MAMDC2: variants seen among roughly 807,000 people sequenced by gnomAD.
MAMDC2 encodes MAM domain-containing protein 2.
Under a neutral mutation model 89.8 loss-of-function variants are expected in MAMDC2, and 57 were observed. The ratio of observed to expected loss-of-function variants is 0.63; its 90% CI spans 0.51 to 0.79. The LOEUF (loss-of-function observed/expected upper bound fraction) is 0.79. Among genes scored for constraint, MAMDC2 ranks in the 30% least tolerant of loss-of-function variants. The pLI is 0.00. For synonymous variants in MAMDC2, 313 were observed against 293.4 expected (o/e 1.07, Z -0.68); for missense variants, 800 against 820.6 (o/e 0.97, Z 0.31).
rs112311941 is a variant in MAMDC2 at position 70,054,304 on chromosome 9, C to T, written c.148+9607C>T. On this transcript the variant is annotated intron_variant, in intron 2 of 13. Coordinates refer to ENST00000377182, the MANE Select transcript of MAMDC2 (RefSeq NM_153267.5). Reference sequence around the variant, plus strand: ...GGAGGCTAAGAAAAGATGCCTTGAGCTCACATTTAAGGATTAGGTATAGGA... The same window carrying T: ...GGAGGCTAAGAAAAGATGCCTTGAGTTCACATTTAAGGATTAGGTATAGGA... Among the ~76,000 whole-genome samples, 401 of 152,128 alleles carry T rather than the reference C, an allele frequency of 2.6e-3. 3 individuals are homozygous for T. Among genetic ancestry groups the T allele is most frequent in the African/African-American group, 8.8e-3 (366 of 41,494 alleles).
intron 5 of MAMDC2, among the ~76,000 whole-genome samples, chr9:70,123,732 T>A (rs898630571): frequency 6.6e-6 from 1 of 152,110 alleles, no homozygotes; most frequent in Non-Finnish European, 1.5e-5. Context: ...AGGGGAACTT[T>A]GGGCACAGAG....
At chr9:70,060,738 G>A (rs769797343) in intron 2 of MAMDC2, 3 of 152,128 alleles carry the variant, frequency 2.0e-5, no homozygotes, top group Non-Finnish European at 4.4e-5. Flanking sequence ...GAAAGAGAGA[G>A]AGACAGAGAG....
Position 70,226,345 on chromosome 9 carries a change from A to C in MAMDC2, c.*313A>C. Reference sequence around the variant, plus strand: ...AAAGTACACAAAGGGCACAATCAAAATGAGATGCACTCATTTAAATCTGCA... The same window carrying C: ...AAAGTACACAAAGGGCACAATCAAACTGAGATGCACTCATTTAAATCTGCA... On this transcript the variant is annotated 3_prime_UTR_variant, in exon 14 of 14. Coordinates refer to ENST00000377182, the MANE Select transcript of MAMDC2 (RefSeq NM_153267.5). 1 of 169,678 alleles carries C rather than the reference A, an allele frequency of 5.9e-6. No homozygotes were observed. Among genetic ancestry groups the C allele is most frequent in the Non-Finnish European group, 1.3e-5 (1 of 79,636 alleles). The allele number at this position is 169,678 out of a possible 1,614,324, so 10.5% of individuals were successfully genotyped here. A position where few individuals can be genotyped will look rare whatever the true frequency, so the allele number is the denominator to read the frequency against.
At chr9:70,076,647 CT>C (rs1767318455) in intron 2 of MAMDC2, among the ~76,000 whole-genome samples, 2 of 152,226 alleles carry the variant, frequency 1.3e-5, no homozygotes, top group East Asian at 1.9e-4. Context: ...GGGGAACAAA[CT>C]TTTTTTAAAG....
At chr9:70,197,980 A>T (rs1039005791) in intron 11 of MAMDC2, among the ~76,000 whole-genome samples, 1 of 152,120 alleles carries the variant, frequency 6.6e-6, no homozygotes, top group African/African-American at 2.4e-5. Context: ...AATAGTGAGT[A>T]CAGTACAGTA....
At position 70,226,058 on chromosome 9, in the gene MAMDC2, G is replaced by T; in HGVS notation, c.*26G>T. ...GAAATGATCTGCATTGGATTTACTAGACGAAAACCATACCTCTCTTCAATC... is the reference window on the plus strand; with the variant it reads ...GAAATGATCTGCATTGGATTTACTATACGAAAACCATACCTCTCTTCAATC... On this transcript the variant is annotated 3_prime_UTR_variant, in exon 14 of 14. Coordinates refer to ENST00000377182, the MANE Select transcript of MAMDC2 (RefSeq NM_153267.5). The T allele has an allele frequency of 7.5e-7, 1 of 1,334,360 alleles. No homozygotes were observed. The highest frequency in any genetic ancestry group is 1.3e-5 in the South Asian group (1 of 74,566). The allele number at this position is 1,334,360 out of a possible 1,614,324, so 82.7% of individuals were successfully genotyped here.
At chr9:70,058,455 C>A (rs1827073161) in intron 2 of MAMDC2, among the ~76,000 whole-genome samples, 2 of 151,952 alleles carry the variant, frequency 1.3e-5, no homozygotes. Flanking sequence ...AATAGATAAC[C>A]CATATGGAGT....
At chr9:70,186,984 A>G (rs1168328465) in intron 11 of MAMDC2, among the ~76,000 whole-genome samples, 3 of 152,084 alleles carry the variant, frequency 2.0e-5, no homozygotes, top group African/African-American at 7.3e-5. Context: ...ACTAGGTCAC[A>G]CCTCCAACAT....
At chr9:70,083,128 A>G (rs776619013) in intron 2 of MAMDC2, among the ~76,000 whole-genome samples, 2 of 152,334 alleles carry the variant, frequency 1.3e-5, no homozygotes, top group South Asian at 2.1e-4. Context: ...AGAAGGCATA[A>G]TAGCCAACCT....
intron 9 of MAMDC2, among the ~76,000 whole-genome samples, chr9:70,160,953 A>T (rs1001876586): frequency 6.6e-6 from 1 of 152,194 alleles, no homozygotes; most frequent in African/African-American, 2.4e-5. Context: ...GTATTTTAAG[A>T]TACCTAAAGC....
chr9:70,202,586 C>A (rs939562063), intron 11 of MAMDC2, among the ~76,000 whole-genome samples: 43 of 148,274 alleles, frequency 2.9e-4, no homozygotes, highest in African/African-American at 1.0e-3. Context: ...TGGTGCAGAG[C>A]TGAGTTCAAT....
chr9:70,197,402 A>T (rs992463961), intron 11 of MAMDC2, among the ~76,000 whole-genome samples: 2 of 152,154 alleles, frequency 1.3e-5, no homozygotes, highest in African/African-American at 2.4e-5. Context: ...AACATACTTG[A>T]TGAAATGGAA....
intron 2 of MAMDC2, among the ~76,000 whole-genome samples, chr9:70,073,758 A>C (rs2118097204): frequency 6.6e-6 from 1 of 152,334 alleles, no homozygotes; most frequent in East Asian, 1.9e-4. Flanking sequence ...GGAAGGGGTT[A>C]GAGTTTCTCT....
intron 9 of MAMDC2, among the ~76,000 whole-genome samples, chr9:70,161,697 ACT>A (rs1257337325): frequency 5.3e-5 from 8 of 152,144 alleles, no homozygotes; most frequent in Admixed American, 5.2e-4. Context: ...TTTTTTAAAA[ACT>A]CTATTACAAC....
chr9:70,064,184 C>T (rs1282387581), intron 2 of MAMDC2, among the ~76,000 whole-genome samples: 5 of 150,480 alleles, frequency 3.3e-5, no homozygotes, highest in Non-Finnish European at 7.4e-5. Context: ...ATTTTTTTTC[C>T]ATAGGTTATT....
chr9:70,167,295 G>T (rs530507484), intron 9 of MAMDC2, among the ~76,000 whole-genome samples: 3 of 152,236 alleles, frequency 2.0e-5, no homozygotes, highest in Non-Finnish European at 2.9e-5. Context: ...GAAGGTCTTG[G>T]ATTAAGACAT....
intron 5 of MAMDC2, among the ~76,000 whole-genome samples, chr9:70,114,207 G>T (rs923841548): frequency 1.3e-5 from 2 of 148,518 alleles, no homozygotes; most frequent in African/African-American, 5.0e-5. Flanking sequence ...AGAGTCTCAG[G>T]TTCAATTCCC....
chr9:70,164,190 C>T lies in MAMDC2; in HGVS notation c.1405-4512C>T, dbSNP rs146184370. 2.5e-3 allele frequency among the ~76,000 whole-genome samples: 383 copies of T among 152,196 alleles called. 2 individuals are homozygous for T. Among genetic ancestry groups the T allele is most frequent in the Middle Eastern group, 0.01 (3 of 294 alleles). ...TAATGAGTAGAGGTTACAGTTGCTG[C>T]TAAACATCCTACAATGCACAGGGCA... On this transcript the variant is annotated intron_variant, in intron 9 of 13. Transcript: ENST00000377182.
intron 9 of MAMDC2, chr9:70,147,916 T>C (rs1483881266): frequency 6.6e-6 from 1 of 150,376 alleles, no homozygotes; most frequent in Non-Finnish European, 1.5e-5. Context: ...TGTCATCCTA[T>C]CCTTGGATGA....
Sources: gnomAD v4.1 joint callset for allele counts (sites outside exome capture counted in the v4.1 genomes callset) on GRCh38, gnomAD v4.1.1 for gene constraint, MANE v1.5 for transcripts, NCBI Gene and HGNC (gene_info 2026-07-23, HGNC 2026-07-21) for gene names.